Variants in CDKL3 observed in about 807,000 individuals in gnomAD.
CDKL3 encodes cyclin dependent kinase like 3.
In CDKL3, 65 loss-of-function variants were observed where a neutral mutation model predicts 69.3. That is an observed-to-expected ratio of 0.94 (90% CI 0.77 to 1.15). The LOEUF is 1.15. CDKL3 is among the 50% of genes most tolerant of loss of function. The pLI is 0.00. For missense variants in CDKL3, 652 were observed against 689.2 expected, an observed-to-expected ratio of 0.95 and a Z score of 0.61; for synonymous variants, 202 against 221.6, an observed-to-expected ratio of 0.91 and a Z score of 0.79.
intron 7 of CDKL3, among the ~76,000 whole-genome samples, chr5:134,311,994 C>T (rs533638623): frequency 6.6e-6 from 1 of 152,180 alleles, no homozygotes; most frequent in East Asian, 1.9e-4. Context: ...AGGGGTCTCT[C>T]TATGTTGCCC....
chr5:134,322,711 G>A (rs1026675177), intron 4 of CDKL3, among the ~76,000 whole-genome samples: 5 of 152,196 alleles, frequency 3.3e-5, no homozygotes, highest in Non-Finnish European at 4.4e-5. Context: ...GCTGGACACT[G>A]TGGCTCATGC....
chr5:134,288,113 C>T (rs1455212684), intron 8 of CDKL3, among the ~76,000 whole-genome samples: 2 of 151,988 alleles, frequency 1.3e-5, no homozygotes, highest in Admixed American at 6.6e-5. Context: ...AGGGTGGTCT[C>T]GAACTCCTGA....
intron 4 of CDKL3, among the ~76,000 whole-genome samples, chr5:134,345,611 T>C (rs1167149792): frequency 6.6e-6 from 1 of 151,820 alleles, no homozygotes; most frequent in Non-Finnish European, 1.5e-5. Context: ...TTTGGGTAGG[T>C]AGTGGAAAAT....
chr5:134,366,365 A>C lies in CDKL3; in HGVS notation c.159T>G (p.Phe53Leu), dbSNP rs1400141950. 1.9e-6 allele frequency: 3 copies of C among 1,561,976 alleles called. No individual in the cohort carries two copies. The highest frequency in any genetic ancestry group is 2.3e-5 in the East Asian group (1 of 44,154). The change falls in exon 2 of 13, where the codon TTT becomes TTG. Residue 53 changes from phenylalanine to leucine, a missense_variant. Coordinates refer to ENST00000265334, the MANE Select transcript of CDKL3 (RefSeq NM_001113575.2). The part of the protein sequence containing the change: ...VNKIAMREIK[F>L]LKQFHHENLV... ...TAAGGCAAAAGAAGCAAACCTTTAG[A>C]AACTTTATTTCTCTCATCGCAATTT...
intron 3 of CDKL3, among the ~76,000 whole-genome samples, chr5:134,354,703 C>T (rs1477167850): frequency 6.6e-6 from 1 of 152,204 alleles, no homozygotes; most frequent in Non-Finnish European, 1.5e-5. Context: ...AATCCCAGCA[C>T]TTGGGAAGGC....
At chr5:134,286,701 G>A (rs1265753151) in intron 8 of CDKL3, 5 of 152,344 alleles carry the variant, frequency 3.3e-5, no homozygotes, top group Non-Finnish European at 7.3e-5. Context: ...AAGAGAGGGA[G>A]CTTGTGCAGG....
At chr5:134,306,484 G>A in intron 10 of CDKL3, 125 bp downstream of exon 10, 1 of 633,432 alleles carries the variant, frequency 1.6e-6, no homozygotes, top group Non-Finnish European at 2.8e-6. Context: ...GCAACAGAGA[G>A]AGATCCTCTC....
chr5:134,289,789 GA>G (rs1765042241), intron 8 of CDKL3, among the ~76,000 whole-genome samples: 1 of 152,140 alleles, frequency 6.6e-6, no homozygotes, highest in Non-Finnish European at 1.5e-5. Flanking sequence ...TCTTGAGCAA[GA>G]GGGGCATACA....
chr5:134,371,500 G>T, upstream of CDKL3: 1 of 1,490,688 alleles, frequency 6.7e-7, no homozygotes, highest in East Asian at 2.5e-5. Context: ...GGCGGCGGCG[G>T]CGGCGATCCA....
rs191330240 is a variant in CDKL3, at chr5:134,331,163, T to G, written c.540-9260A>C. Among the ~76,000 whole-genome samples, 32 of 152,362 alleles carry G rather than the reference T, an allele frequency of 2.1e-4. No homozygotes were observed. In the East Asian group the frequency reaches 5.8e-3, roughly 28 times the overall value. ...CTATACTGTTGGCTACTGTTTCTAC[T>G]ATTAATCATCCTTCAATTAGGGCAA... On this transcript the variant is annotated intron_variant, in intron 4 of 12. Coordinates refer to ENST00000265334, the MANE Select transcript of CDKL3 (RefSeq NM_001113575.2).
At chr5:134,318,588 TA>T (rs1771834884) in intron 6 of CDKL3, among the ~76,000 whole-genome samples, 1 of 152,044 alleles carries the variant, frequency 6.6e-6, no homozygotes, top group Admixed American at 6.6e-5. Context: ...CAGGTTCAAG[TA>T]ATTCTCCTGC....
chr5:134,324,149 T>A (rs1285232850), intron 4 of CDKL3, among the ~76,000 whole-genome samples: 2 of 152,162 alleles, frequency 1.3e-5, no homozygotes, highest in Non-Finnish European at 2.9e-5. Flanking sequence ...GAGATACCAC[T>A]ACACACCTAT....
At chr5:134,284,539 G>T (rs1764771048), downstream of CDKL3, among the ~76,000 whole-genome samples, 1 of 152,156 alleles carries the variant, frequency 6.6e-6, no homozygotes, top group African/African-American at 2.4e-5. Context: ...CAGGAAAGAG[G>T]GTTCAAGAGC....
intron 4 of CDKL3, among the ~76,000 whole-genome samples, chr5:134,323,411 A>G (rs756316551): frequency 9.9e-5 from 15 of 152,198 alleles, no homozygotes; most frequent in Non-Finnish European, 1.5e-4. Context: ...GAGGCAATAG[A>G]CCCAGAATAG....
chr5:134,287,664 A>G (rs1764929888), intron 8 of CDKL3, among the ~76,000 whole-genome samples: 2 of 152,198 alleles, frequency 1.3e-5, no homozygotes, highest in Admixed American at 6.5e-5. Context: ...AAATAGGAGC[A>G]ATCCTATCAG....
intron 4 of CDKL3, among the ~76,000 whole-genome samples, chr5:134,343,202 C>CAAA (rs1260398112): frequency 1.2e-5 from 1 of 81,462 alleles, no homozygotes; most frequent in Non-Finnish European, 2.6e-5. Flanking sequence ...GAGATCTTGT[C>CAAA]AAAAAAAAAA....
At chr5:134,301,018 G>A (rs1007748178) in intron 12 of CDKL3, among the ~76,000 whole-genome samples, 2 of 150,474 alleles carry the variant, frequency 1.3e-5, no homozygotes, top group Non-Finnish European at 3.0e-5. Flanking sequence ...TTTTTTAAAC[G>A]GAGTTTCACT....
At chr5:134,342,815 G>C (rs988391755) in intron 4 of CDKL3, among the ~76,000 whole-genome samples, 8 of 152,166 alleles carry the variant, frequency 5.3e-5, no homozygotes, top group African/African-American at 1.4e-4. Flanking sequence ...GGAATTGGAA[G>C]GGACCTAGAA....
chr5:134,343,271 A>C (rs1367909421), intron 4 of CDKL3, among the ~76,000 whole-genome samples: 4 of 152,186 alleles, frequency 2.6e-5, no homozygotes, highest in African/African-American at 9.7e-5. Flanking sequence ...ATGGAACAGA[A>C]TTGAGATTCT....
Sources: gnomAD v4.1 joint callset for allele counts (sites outside exome capture counted in the v4.1 genomes callset) on GRCh38, gnomAD v4.1.1 for gene constraint, MANE v1.5 for transcripts, NCBI Gene and HGNC (gene_info 2026-07-23, HGNC 2026-07-21) for gene names.